Variants in KIF15 observed in about 807,000 individuals in gnomAD.
The protein encoded by KIF15 is kinesin-like protein KIF15.
In KIF15, 140 loss-of-function variants were observed where a neutral mutation model predicts 190.6. That is an observed-to-expected ratio of 0.73 (90% CI 0.64 to 0.84). KIF15 has a LOEUF of 0.84. Among genes scored for constraint, KIF15 ranks in the 40% least tolerant of loss-of-function variants. KIF15 has a pLI of 0.00. For missense variants in KIF15, 1,372 were observed against 1,584.4 expected (o/e 0.87, Z 2.28); for synonymous variants, 528 against 551.3 (o/e 0.96, Z 0.59).
intron 8 of KIF15, among the ~76,000 whole-genome samples, chr3:44,795,326 G>A (rs1313324894): frequency 1.3e-5 from 2 of 152,210 alleles, no homozygotes; most frequent in Non-Finnish European, 2.9e-5. Flanking sequence ...GATGCAGAAT[G>A]AGTGTAGCAT....
intron 19 of KIF15, among the ~76,000 whole-genome samples, chr3:44,814,034 A>C (rs1189971306): frequency 6.6e-6 from 1 of 152,244 alleles, no homozygotes; most frequent in Non-Finnish European, 1.5e-5. Context: ...TGGGAATATC[A>C]TTTGATTCCC....
chr3:44,794,042 A>T (rs1236773987), intron 7 of KIF15, among the ~76,000 whole-genome samples, 175 bp from the exon 8 acceptor site: 2 of 151,948 alleles, frequency 1.3e-5, no homozygotes, highest in Non-Finnish European at 2.9e-5. Context: ...CACTGTACAT[A>T]GCAAATTATT....
At chr3:44,818,980 A>G (rs1228792996) in intron 20 of KIF15, among the ~76,000 whole-genome samples, 3 of 152,164 alleles carry the variant, frequency 2.0e-5, no homozygotes, top group Non-Finnish European at 4.4e-5. Context: ...GGGAGGGTGT[A>G]TGTGTCCAGG....
At chr3:44,851,484 T>C (rs1172083222) in intron 32 of KIF15, among the ~76,000 whole-genome samples, 1 of 152,226 alleles carries the variant, frequency 6.6e-6, no homozygotes, top group Non-Finnish European at 1.5e-5. Context: ...CAGATTATAA[T>C]AATACTTAAA....
At chr3:44,793,916 T>G (rs976516908) in intron 7 of KIF15, among the ~76,000 whole-genome samples, 1 of 150,990 alleles carries the variant, frequency 6.6e-6, no homozygotes, top group African/African-American at 2.4e-5. Context: ...GATCTTGCCC[T>G]GCTGCTCAGG....
chr3:44,867,919 T>C (rs1001386149), intron 6 of KIF15, among the ~76,000 whole-genome samples: 3 of 152,228 alleles, frequency 2.0e-5, no homozygotes, highest in African/African-American at 7.2e-5. Context: ...GAGCTGGCAA[T>C]TTGACATCCA....
At chr3:44,811,517 T>G (rs1008458772) in intron 17 of KIF15, among the ~76,000 whole-genome samples, 2 of 152,028 alleles carry the variant, frequency 1.3e-5, no homozygotes, top group Non-Finnish European at 1.5e-5. Flanking sequence ...TGGTGGTACA[T>G]GCCTGTAATC....
intron 34 of KIF15, 66 bp downstream of exon 34, chr3:44,852,405 A>G (rs1017448418): frequency 1.3e-5 from 19 of 1,452,364 alleles, no homozygotes; most frequent in Non-Finnish European, 1.8e-5. Flanking sequence ...ATTGAAACCA[A>G]ATTAAAACTT....
At chr3:44,765,703 AATT>A (rs1705344458) in intron 1 of KIF15, among the ~76,000 whole-genome samples, 1 of 152,074 alleles carries the variant, frequency 6.6e-6, no homozygotes, top group East Asian at 1.9e-4. Context: ...AGCTACTCCT[AATT>A]GTCTTATATC....
chr3:44,840,923 C>G (rs1456787715), intron 28 of KIF15, 151 bp from the exon 29 acceptor site: 1 of 706,590 alleles, frequency 1.4e-6, no homozygotes, highest in African/African-American at 1.8e-5. Context: ...GTCCGCCCAC[C>G]TCGGCCTCCC....
At chr3:44,829,200 A>G (rs1697841182) in intron 24 of KIF15, among the ~76,000 whole-genome samples, 1 of 150,694 alleles carries the variant, frequency 6.6e-6, no homozygotes, top group Non-Finnish European at 1.5e-5. Flanking sequence ...TACTAAAAAT[A>G]CAAAAAATTA....
intron 14 of KIF15, 123 bp from the exon 15 acceptor site, chr3:44,804,904 T>C (rs1707423286): frequency 1.0e-6 from 1 of 989,786 alleles, no homozygotes. Context: ...AGACCAGAAT[T>C]TGGGGCTTTA....
chr3:44,820,177 A>G (rs1708201107), intron 20 of KIF15, among the ~76,000 whole-genome samples: 3 of 152,124 alleles, frequency 2.0e-5, no homozygotes, highest in African/African-American at 4.8e-5. Context: ...ACAGCACACC[A>G]ATGGGTCTTG....
intron 29 of KIF15, among the ~76,000 whole-genome samples, chr3:44,841,688 G>A (rs765681956): frequency 7.9e-5 from 12 of 152,110 alleles, no homozygotes; most frequent in Admixed American, 6.5e-5. Flanking sequence ...GTGAGCCACC[G>A]CGCCTGGCCA....
Position 44,786,076 on chromosome 3 carries a change from C to T in KIF15, c.460-319C>T, listed in dbSNP as rs550247813. The stretch of plus-strand genomic sequence containing the variant: ...CTAAAAATACAAAAAATTAGCCGGG[C>T]GTGGTGGCGGGCACCTGTAGTCCCA... On this transcript the variant is annotated intron_variant, in intron 6 of 34. Coordinates refer to ENST00000326047, the MANE Select transcript of KIF15 (RefSeq NM_020242.3). Among the ~76,000 whole-genome samples, 31 of 152,132 alleles carry T rather than the reference C, an allele frequency of 2.0e-4. No individual in the cohort carries two copies. In the South Asian group the frequency reaches 5.8e-3, roughly 29 times the overall value.
At chr3:44,780,539 C>T (rs1453640103) in intron 4 of KIF15, among the ~76,000 whole-genome samples, 1 of 152,048 alleles carries the variant, frequency 6.6e-6, no homozygotes, top group East Asian at 1.9e-4. Flanking sequence ...TGAGGCAGAC[C>T]TCTATTGCTG....
At chr3:44,768,530 C>T (rs922693280) in intron 1 of KIF15, among the ~76,000 whole-genome samples, 7 of 147,774 alleles carry the variant, frequency 4.7e-5, no homozygotes, top group Non-Finnish European at 1.0e-4. Flanking sequence ...TCCCAGGGCG[C>T]ATGTGGGCCT....
chr3:44,803,377 A>G (rs1254803901), intron 14 of KIF15, among the ~76,000 whole-genome samples: 1 of 152,236 alleles, frequency 6.6e-6, no homozygotes, highest in African/African-American at 2.4e-5. Flanking sequence ...AGTCCTGTGC[A>G]GTATAAGAGA....
At chr3:44,797,399 C>T in intron 8 of KIF15, 152 bp from the exon 9 acceptor site, 1 of 727,770 alleles carries the variant, frequency 1.4e-6, no homozygotes, top group Non-Finnish European at 2.3e-6. Flanking sequence ...TTCAGCACTT[C>T]TTTTTTATTT....
Sources: gnomAD v4.1 joint callset for allele counts (sites outside exome capture counted in the v4.1 genomes callset) on GRCh38, gnomAD v4.1.1 for gene constraint, MANE v1.5 for transcripts, NCBI Gene and HGNC (gene_info 2026-07-23, HGNC 2026-07-21) for gene names.